The following APPL1 variants were observed in gnomAD, a reference collection of about 807,000 sequenced individuals.
APPL1 encodes the protein DCC-interacting protein 13-alpha.
Under a neutral mutation model 106.8 loss-of-function variants are expected in APPL1, and 42 were observed. The ratio of observed to expected loss-of-function variants is 0.39; its 90% CI spans 0.31 to 0.51. APPL1 has a LOEUF of 0.51. APPL1 is among the 20% of genes least tolerant of loss of function. The pLI is 0.75. For missense variants in APPL1, 769 were observed against 858.2 expected, an observed-to-expected ratio of 0.90 and a Z score of 1.30; for synonymous variants, 263 against 281.8, an observed-to-expected ratio of 0.93 and a Z score of 0.67.
chr3:57,242,791 A>C, intron 6 of APPL1, 65 bp from the exon 7 acceptor site: 2 of 1,229,510 alleles, frequency 1.6e-6, no homozygotes, highest in Non-Finnish European at 2.4e-6. Flanking sequence ...TGTGAAGACC[A>C]TTGAAAGCAT....
intron 1 of APPL1, among the ~76,000 whole-genome samples, chr3:57,231,338 C>CAAAAAAAAAAAAAAA: frequency 1.4e-5 from 1 of 72,248 alleles, no homozygotes; most frequent in Non-Finnish European, 2.4e-5. Context: ...GACTCCGTCT[C>CAAAAAAAAAAAAAAA]AAAAAAAAAA....
intron 1 of APPL1, among the ~76,000 whole-genome samples, chr3:57,231,951 A>G (rs972248843): frequency 3.3e-5 from 5 of 152,216 alleles, no homozygotes; most frequent in Admixed American, 6.5e-5. Flanking sequence ...TCAAACAAGC[A>G]TCTTTTAAGA....
intron 11 of APPL1, among the ~76,000 whole-genome samples, chr3:57,251,058 C>T (rs1182097362): frequency 2.0e-5 from 3 of 149,162 alleles, no homozygotes; most frequent in African/African-American, 2.4e-5. Flanking sequence ...CCGCCCGCCT[C>T]GGCCTCCCAA....
intron 15 of APPL1, 144 bp from the exon 16 acceptor site, chr3:57,258,884 A>T: frequency 1.8e-6 from 1 of 569,718 alleles, no homozygotes; most frequent in Non-Finnish European, 3.1e-6. Flanking sequence ...ATAGTAATTT[A>T]GTGATCAATA....
Position 57,228,113 on chromosome 3 carries a change from A to G in APPL1, c.54+176A>G, listed in dbSNP as rs1425607009. On this transcript the variant is annotated intron_variant, in intron 1 of 21. Transcript: ENST00000288266. The surrounding 1 kb of genome is among the most constrained non-coding windows in gnomAD (Gnocchi z 4.6). The stretch of plus-strand genomic sequence containing the variant: ...TTGTGGAGGCTGGGCCCGCCGCCCA[A>G]GGCCCGCGTGGGCCTGCTCGGCTGG... 6.6e-6 allele frequency among the ~76,000 whole-genome samples: 1 copy of G among 151,836 alleles called. No individual in the cohort carries two copies. Among genetic ancestry groups the G allele is most frequent in the Non-Finnish European group, 1.5e-5 (1 of 67,934 alleles).
Position 57,227,906 on chromosome 3 carries a change from C to T in APPL1, c.23C>T (p.Pro8Leu). Residue 8 changes from proline to leucine, a missense_variant, in exon 1 of 22, where the codon CCC becomes CTC. Coordinates refer to ENST00000288266, the MANE Select transcript of APPL1 (RefSeq NM_012096.3). Reference sequence around the variant, plus strand: ...ACGATGCCGGGGATCGACAAGCTGCCCATCGAGGAGACGCTGGAGGACAGC... The same window carrying T: ...ACGATGCCGGGGATCGACAAGCTGCTCATCGAGGAGACGCTGGAGGACAGC... The part of the protein sequence containing the change: MPGIDKL[P>L]IEETLEDSPQ... The T allele has an allele frequency of 6.8e-7, 1 of 1,470,618 alleles. No individual in the cohort carries two copies. Among genetic ancestry groups the T allele is most frequent in the Non-Finnish European group, 9.0e-7 (1 of 1,108,176 alleles). The allele number at this position is 1,470,618 out of a possible 1,614,324, so 91.1% of individuals were successfully genotyped here. A position where few individuals can be genotyped will look rare whatever the true frequency, so the allele number is the denominator to read the frequency against.
chr3:57,273,221 A>T lies in APPL1; in HGVS notation c.*3534A>T, dbSNP rs1425321321. ...GTGATTTTGTAATGTAAGTGAATTG[A>T]TTCTTATTTCACTGATACTATTAAT... On this transcript the variant is annotated 3_prime_UTR_variant, in exon 22 of 22. Coordinates refer to ENST00000288266, the MANE Select transcript of APPL1 (RefSeq NM_012096.3). 1 of 152,638 alleles carries T rather than the reference A, an allele frequency of 6.6e-6. No homozygotes were observed. The highest frequency in any genetic ancestry group is 1.5e-5 in the Non-Finnish European group (1 of 68,042). The allele number at this position is 152,638 out of a possible 1,614,324, so 9.5% of individuals were successfully genotyped here.
At position 57,250,288 on chromosome 3, in the gene APPL1, A is replaced by G. The variant is rs1025862732; in HGVS notation, c.1052+740A>G. ...CCCAAGTTGCTAGGATCACAGGTGC[A>G]TGCCACTGTGCCTGGCAATTAAAAA... On this transcript the variant is annotated intron_variant, in intron 11 of 21. Coordinates refer to ENST00000288266, the MANE Select transcript of APPL1 (RefSeq NM_012096.3). Among the ~76,000 whole-genome samples, 6 of 152,076 alleles carry G rather than the reference A, an allele frequency of 3.9e-5. 1 individual carries two copies. Among genetic ancestry groups the G allele is most frequent in the Non-Finnish European group, 8.8e-5 (6 of 67,996 alleles).
chr3:57,248,175 T>C lies in APPL1; in HGVS notation c.705-18T>C, dbSNP rs1321527209. ...TTTATTGGTTGTGATTTGTAGCAAATAATCTGTTCTGTGTCAGTGTTCGCA... is the reference window on the plus strand; with the variant it reads ...TTTATTGGTTGTGATTTGTAGCAAACAATCTGTTCTGTGTCAGTGTTCGCA... On this transcript the variant is annotated intron_variant, in intron 9 of 21. Coordinates refer to ENST00000288266, the MANE Select transcript of APPL1 (RefSeq NM_012096.3). The C allele has an allele frequency of 6.3e-7, 1 of 1,590,900 alleles. No homozygotes were observed. The highest frequency in any genetic ancestry group is 1.3e-5 in the African/African-American group (1 of 74,334).
chr3:57,261,013 T>C (rs530135420), intron 19 of APPL1, among the ~76,000 whole-genome samples: 2 of 152,324 alleles, frequency 1.3e-5, no homozygotes, highest in African/African-American at 4.8e-5. Flanking sequence ...TTGTGAAGTA[T>C]AGTCACCCTA....
At chr3:57,253,274 C>T (rs770430398) in intron 12 of APPL1, among the ~76,000 whole-genome samples, 1 of 152,010 alleles carries the variant, frequency 6.6e-6, no homozygotes, top group African/African-American at 2.4e-5. Context: ...CCCGAGTTCA[C>T]ACTGTCTTGT....
chr3:57,262,884 T>C (rs1297197167), intron 19 of APPL1, among the ~76,000 whole-genome samples: 2 of 146,930 alleles, frequency 1.4e-5, no homozygotes, highest in African/African-American at 5.1e-5. Context: ...GGAGTCTTGC[T>C]GTGTCACCTG....
intron 7 of APPL1, among the ~76,000 whole-genome samples, chr3:57,245,579 G>C (rs545919464): frequency 6.8e-6 from 1 of 146,674 alleles, no homozygotes; most frequent in African/African-American, 2.5e-5. Context: ...GTCTCTCTCT[G>C]TCACCCAGGC....
Position 57,259,933 on chromosome 3 carries a change from T to G in APPL1, c.1572T>G (p.Thr524=), listed in dbSNP as rs1466033374. The G allele has an allele frequency of 1.2e-6, 2 of 1,613,910 alleles. No individual in the cohort carries two copies. Among genetic ancestry groups the G allele is most frequent in the Admixed American group, 3.3e-5 (2 of 59,928 alleles). The change falls in exon 17 of 22, where the codon ACT becomes ACG. Residue 524 remains threonine (T), a synonymous_variant. Coordinates refer to ENST00000288266, the MANE Select transcript of APPL1 (RefSeq NM_012096.3). Reference sequence around the variant, plus strand: ...ACCATCCAGATGTTGTTTATGAAACTATGCGCCAAATCTTAGCTGCCCGGG... The same window carrying G: ...ACCATCCAGATGTTGTTTATGAAACGATGCGCCAAATCTTAGCTGCCCGGG... ...SDDHPDVVYE[T]MRQILAARAI... is the part of the protein sequence containing the mutation.
Position 57,269,782 on chromosome 3 carries a change from G to C in APPL1, c.*95G>C. The C allele has an allele frequency of 7.4e-7, 1 of 1,354,938 alleles. No individual in the cohort carries two copies. Among genetic ancestry groups the C allele is most frequent in the Non-Finnish European group, 1.0e-6 (1 of 980,848 alleles). The allele number at this position is 1,354,938 out of a possible 1,614,324, so 83.9% of individuals were successfully genotyped here. A position where few individuals can be genotyped will look rare whatever the true frequency, so the allele number is the denominator to read the frequency against. On this transcript the variant is annotated 3_prime_UTR_variant, in exon 22 of 22. Coordinates refer to ENST00000288266, the MANE Select transcript of APPL1 (RefSeq NM_012096.3). ...AACTATGTTGAAATATCAAGGAGGA[G>C]ATTAAGCTTTATATTTGCTTATTTG... is the stretch of plus-strand genomic sequence containing the variant.
chr3:57,254,330 G>A (rs2060823692), intron 13 of APPL1, among the ~76,000 whole-genome samples: 1 of 152,214 alleles, frequency 6.6e-6, no homozygotes, highest in Non-Finnish European at 1.5e-5. Context: ...TTGAGCCATG[G>A]CCTCTGCCCT....
chr3:57,229,788 A>T (rs1482555660), intron 1 of APPL1, among the ~76,000 whole-genome samples: 1 of 136,110 alleles, frequency 7.3e-6, no homozygotes, highest in Non-Finnish European at 1.5e-5. Flanking sequence ...ATCTTGGCTC[A>T]CTGCAACCTC....
At chr3:57,242,027 G>C (rs1579385834) in intron 5 of APPL1, 74 bp from the exon 6 acceptor site, 1 of 1,024,356 alleles carries the variant, frequency 9.8e-7, no homozygotes, top group Non-Finnish European at 1.5e-6. Context: ...TATAGTTTAA[G>C]TAGCAGTTAT....
chr3:57,253,965 C>T (rs1258196546), intron 13 of APPL1, among the ~76,000 whole-genome samples: 2 of 151,446 alleles, frequency 1.3e-5, no homozygotes, highest in African/African-American at 4.9e-5. Flanking sequence ...CAGGTTCAAG[C>T]GATTCTCCTG....
Sources: gnomAD v4.1 joint callset for allele counts (sites outside exome capture counted in the v4.1 genomes callset) on GRCh38, gnomAD v4.1.1 for gene constraint, Gnocchi (gnomAD v3.1) non-coding constraint, MANE v1.5 for transcripts, NCBI Gene and HGNC (gene_info 2026-07-23, HGNC 2026-07-21) for gene names.